The following PPIL2 variants were observed in gnomAD, a reference collection of about 807,000 sequenced individuals.
The protein encoded by PPIL2 is RING-type E3 ubiquitin-protein ligase PPIL2.
A neutral mutation model predicts 75.2 loss-of-function variants in PPIL2; 50 were observed. That is an observed-to-expected ratio of 0.66 (90% CI 0.53 to 0.84). PPIL2 has a LOEUF of 0.84. Ranked by LOEUF, PPIL2 falls within the 40% of genes least tolerant of loss-of-function variation. The pLI, the probability that PPIL2 is intolerant of heterozygous loss-of-function variation, is 0.00. For missense variants in PPIL2, 590 were observed against 685.0 expected (o/e 0.86, Z 1.55); for synonymous variants, 245 against 258.8 (o/e 0.95, Z 0.51).
At chr22:21,687,179 C>A (rs533098153) in intron 12 of PPIL2, among the ~76,000 whole-genome samples, 181 bp downstream of exon 12, 7 of 152,282 alleles carry the variant, frequency 4.6e-5, no homozygotes, top group African/African-American at 1.7e-4. Context: ...GGCAGCATGG[C>A]CTGCGCACAG....
intron 15 of PPIL2, among the ~76,000 whole-genome samples, chr22:21,692,751 C>T (rs1472053867): frequency 6.6e-6 from 1 of 151,360 alleles, no homozygotes; most frequent in Non-Finnish European, 1.5e-5. Flanking sequence ...CAGTGAAACC[C>T]CGTCTCTACT....
intron 1 of PPIL2, among the ~76,000 whole-genome samples, chr22:21,668,958 G>A (rs1330764992): frequency 2.0e-5 from 3 of 151,008 alleles, no homozygotes; most frequent in African/African-American, 7.3e-5. Context: ...TGATCCGCCC[G>A]CCTCGGCCTC....
Position 21,681,250 on chromosome 22 carries a change from TCAC to T in PPIL2, c.296-48_296-46del, listed in dbSNP as rs1179119038. The T allele has an allele frequency of 2.7e-6, 4 of 1,475,252 alleles. No homozygotes were observed. In the African/African-American group the frequency reaches 5.6e-5, roughly 21 times the overall value. 91.4% of individuals were successfully genotyped at this position (1,475,252 alleles called of 1,614,324 possible). A position where few individuals can be genotyped will look rare whatever the true frequency, so the allele number is the denominator to read the frequency against. ...CCCTCTGCGGTCCTCACTGGGATGT[TCAC>T]AGCCCACAGAGGTGACTGGCCTCCC... On this transcript the variant is annotated intron_variant, in intron 6 of 19. Transcript: ENST00000398831.
rs148433831 is a variant in PPIL2, at chr22:21,697,094, C to G, written c.*1604C>G. The G allele has an allele frequency of 2.9e-4, 341 of 1,192,222 alleles. 3 individuals are homozygous for G. The African/African-American group carries it at 4.4e-3, about 15-fold the overall frequency. The allele number at this position is 1,192,222 out of a possible 1,614,324, so 73.9% of individuals were successfully genotyped here. A position where few individuals can be genotyped will look rare whatever the true frequency, so the allele number is the denominator to read the frequency against. ...GACTTTTGACGCCCTCCATCCCTCC[C>G]GCCAGGCACTGTCCTCCGCAAGGCC... On this transcript the variant is annotated 3_prime_UTR_variant, in exon 20 of 20. Coordinates refer to ENST00000398831, the MANE Select transcript of PPIL2 (RefSeq NM_014337.4).
intron 2 of PPIL2, 26 bp from the exon 3 acceptor site, chr22:21,670,540 C>T (rs753311506): frequency 6.3e-7 from 1 of 1,588,168 alleles, no homozygotes; most frequent in East Asian, 2.2e-5. Flanking sequence ...AGTAAGATTT[C>T]TGTTTTTTAT....
intron 6 of PPIL2, among the ~76,000 whole-genome samples, chr22:21,678,421 G>A (rs2066967546): frequency 6.6e-6 from 1 of 152,012 alleles, no homozygotes; most frequent in African/African-American, 2.4e-5. Flanking sequence ...TGTAGAGACG[G>A]GGTTTCACCA....
rs750296773 is a variant in PPIL2, at chr22:21,686,471, T to C, written c.715-12T>C. On this transcript the variant is annotated splice_polypyrimidine_tract_variant and intron_variant, in intron 10 of 19. Transcript: ENST00000398831. Reference sequence around the variant, plus strand: ...TGGCACTGCTGAGGTGCCACCCTGGTTTCCTTGGCAGGCCCACTATTCCAC... The same window carrying C: ...TGGCACTGCTGAGGTGCCACCCTGGCTTCCTTGGCAGGCCCACTATTCCAC... The C allele has an allele frequency of 6.2e-7, 1 of 1,613,752 alleles. No homozygotes were observed. Among genetic ancestry groups the C allele is most frequent in the South Asian group, 1.1e-5 (1 of 91,078 alleles).
At chr22:21,687,854 T>C in intron 13 of PPIL2, 122 bp downstream of exon 13, 1 of 1,105,650 alleles carries the variant, frequency 9.0e-7, no homozygotes, top group African/African-American at 1.6e-5. Context: ...ATGAGTCCAG[T>C]TGGTGATCCT....
chr22:21,686,748 A>G (rs1456409661), intron 11 of PPIL2, 144 bp from the exon 12 acceptor site: 9 of 1,028,120 alleles, frequency 8.8e-6, no homozygotes, highest in Non-Finnish European at 1.3e-5. Context: ...TGCGTGGCCT[A>G]AGCAGACCCT....
intron 1 of PPIL2, among the ~76,000 whole-genome samples, chr22:21,669,096 G>A (rs1220394083): frequency 7.9e-5 from 12 of 151,022 alleles, no homozygotes; most frequent in Admixed American, 5.3e-4. Context: ...TGATCTGCCC[G>A]CCTTGGCCTC....
At position 21,695,700 on chromosome 22, in the gene PPIL2, T is replaced by C. The variant is rs1193031027; in HGVS notation, c.*210T>C. The C allele has an allele frequency of 1.5e-6, 2 of 1,376,802 alleles. No individual in the cohort carries two copies. Among genetic ancestry groups the C allele is most frequent in the Non-Finnish European group, 1.9e-6 (2 of 1,062,240 alleles). 85.3% of individuals were successfully genotyped at this position (1,376,802 alleles called of 1,614,324 possible). ...GGGCCTTGGCCCTGTTTCCAGGACC[T>C]GGCCCAGCCAGAGCCCACTGCTGGG... is the stretch of plus-strand genomic sequence containing the variant. On this transcript the variant is annotated 3_prime_UTR_variant, in exon 20 of 20. Transcript: ENST00000398831.
At chr22:21,682,580 C>A in intron 8 of PPIL2, 54 bp downstream of exon 8, 1 of 1,381,446 alleles carries the variant, frequency 7.2e-7, no homozygotes, top group South Asian at 1.2e-5. Flanking sequence ...GCAGCCAGCC[C>A]AGGCCTCTAC....
rs1440122413 is a variant in PPIL2, at chr22:21,695,895, C to T, written c.*405C>T. 2.8e-5 allele frequency: 28 copies of T among 1,011,314 alleles called. No homozygotes were observed. The highest frequency in any genetic ancestry group is 3.2e-5 in the Non-Finnish European group (27 of 831,006). 62.6% of individuals were successfully genotyped at this position (1,011,314 alleles called of 1,614,324 possible). On this transcript the variant is annotated 3_prime_UTR_variant, in exon 20 of 20. Transcript: ENST00000398831. ...CCAGTGCAGTGGTGTGATCATGGCT[C>T]ACTGCAGCCTCGACCTCCTGGGCTC...
At chr22:21,673,421 A>G (rs1669124) in intron 5 of PPIL2, 87,109 of 152,516 alleles carry the variant, frequency 0.57, 25,168 homozygotes, top group Non-Finnish European at 0.61. Flanking sequence ...TCCTGTCCAC[A>G]GCTGCCCTCA....
chr22:21,682,897 G>A (rs1160934863), intron 8 of PPIL2, among the ~76,000 whole-genome samples: 1 of 152,214 alleles, frequency 6.6e-6, no homozygotes, highest in Non-Finnish European at 1.5e-5. Flanking sequence ...GTTCCGGTCC[G>A]ATAGCTCCCT....
At position 21,689,075 on chromosome 22, in the gene PPIL2, G is replaced by A. The variant is rs551189152; in HGVS notation, c.1139+226G>A. ...GTGTGTCCTCGAGAGACCAGAAGTC[G>A]GGAATTACTGGAGGTCCAGAAGGGC... On this transcript the variant is annotated intron_variant, in intron 15 of 19. Transcript: ENST00000398831. Among the ~76,000 whole-genome samples the A allele has an allele frequency of 5.3e-5, 8 of 152,336 alleles. No homozygotes were observed. The East Asian group carries it at 7.7e-4, about 15-fold the overall frequency.
At chr22:21,670,730 T>C (rs2066599212) in intron 3 of PPIL2, 119 bp downstream of exon 3, 2 of 1,151,188 alleles carry the variant, frequency 1.7e-6, no homozygotes, top group Non-Finnish European at 1.3e-6. Context: ...GATGTGGCCC[T>C]TCAGTTCATG....
chr22:21,687,876 C>T (rs1378248746), intron 13 of PPIL2, 144 bp downstream of exon 13: 2 of 1,060,184 alleles, frequency 1.9e-6, no homozygotes, highest in Non-Finnish European at 2.8e-6. Context: ...TGTTGGGGAA[C>T]CCATAGACTG....
rs529679629 is a variant in PPIL2 at position 21,684,467 on chromosome 22, A to AG, written c.554-286_554-285insG. The stretch of plus-strand genomic sequence containing the variant: ...ACTCCATCTCCACAAAAAAAAAAAA[A>AG]AAAAAAAAGAAAAAAAAAGCAAAGC... On this transcript the variant is annotated intron_variant, in intron 9 of 19. Transcript: ENST00000398831. Among the ~76,000 whole-genome samples the AG allele has an allele frequency of 8.5e-3, 1,274 of 149,456 alleles. 19 individuals carry two copies. Among genetic ancestry groups the AG allele is most frequent in the African/African-American group, 0.03 (1,222 of 40,260 alleles).
Sources: allele counts gnomAD v4.1 joint callset (sites outside exome capture counted in the v4.1 genomes callset), GRCh38; gene constraint gnomAD v4.1.1; transcripts MANE v1.5; gene names NCBI Gene and HGNC (gene_info 2026-07-23, HGNC 2026-07-21).